Variants in ELOVL6 observed in about 807,000 individuals in gnomAD.
ELOVL6 encodes very long chain fatty acid elongase 6.
ELOVL6 carries 8 observed loss-of-function variants against 31.7 expected under a neutral mutation model. The ratio of observed to expected loss-of-function variants is 0.25; its 90% CI spans 0.15 to 0.45. The LOEUF (loss-of-function observed/expected upper bound fraction) is 0.45. Ranked by LOEUF, ELOVL6 falls within the 20% of genes least tolerant of loss-of-function variation. ELOVL6 has a pLI of 1.00. For synonymous variants in ELOVL6, 101 were observed against 117.7 expected, an observed-to-expected ratio of 0.86 and a Z score of 0.92; for missense variants, 126 against 326.4, an observed-to-expected ratio of 0.39 and a Z score of 4.73.
chr4:110,189,677 AGG>A (rs1759555518), intron 1 of ELOVL6, among the ~76,000 whole-genome samples: 1 of 148,086 alleles, frequency 6.8e-6, no homozygotes, highest in Admixed American at 6.8e-5. Flanking sequence ...CACTTTAAAT[AGG>A]ATTATAGGGC....
chr4:110,095,933 T>C (rs1756568490), intron 2 of ELOVL6, among the ~76,000 whole-genome samples: 1 of 152,190 alleles, frequency 6.6e-6, no homozygotes, highest in African/African-American at 2.4e-5. Flanking sequence ...GTGATAAACT[T>C]CAATGAATAA....
rs1405674345 is a variant in ELOVL6, at chr4:110,051,128, T to C, written c.*210A>G. 16 of 566,312 alleles carry C rather than the reference T, an allele frequency of 2.8e-5. No homozygotes were observed. The highest frequency in any genetic ancestry group is 4.8e-4 in the Middle Eastern group (1 of 2,100). The allele number at this position is 566,312 out of a possible 1,614,324, so 35.1% of individuals were successfully genotyped here. A position where few individuals can be genotyped will look rare whatever the true frequency, so the allele number is the denominator to read the frequency against. ...GTCTTCCAGCAGCAGTGCTTGGAGA[T>C]GGAGGTGCACTCAGTGAGTCCTCAC... is the stretch of plus-strand genomic sequence containing the variant. On this transcript the variant is annotated 3_prime_UTR_variant, in exon 4 of 4. Transcript: ENST00000302274. This position sits in a 1 kb window ranked among gnomAD's most constrained non-coding sequence, Gnocchi z 4.8.
intron 1 of ELOVL6, among the ~76,000 whole-genome samples, chr4:110,129,174 TTAA>T (rs1173696701): frequency 1.3e-5 from 2 of 152,222 alleles, no homozygotes; most frequent in African/African-American, 4.8e-5. Flanking sequence ...TTAAGAAAAA[TTAA>T]TAATTATTTT....
chr4:110,055,379 C>G (rs1434632841), intron 3 of ELOVL6, among the ~76,000 whole-genome samples: 1 of 152,152 alleles, frequency 6.6e-6, no homozygotes, highest in Non-Finnish European at 1.5e-5. Context: ...AGGACATTGG[C>G]CAAGTACAAG....
chr4:110,087,025 A>G (rs1211958621), intron 2 of ELOVL6, among the ~76,000 whole-genome samples: 1 of 152,038 alleles, frequency 6.6e-6, no homozygotes, highest in Non-Finnish European at 1.5e-5. Context: ...TTAGGTTTGG[A>G]AATTTAGGGA....
chr4:110,184,582 T>C (rs1211322194), intron 1 of ELOVL6, among the ~76,000 whole-genome samples: 1 of 152,060 alleles, frequency 6.6e-6, no homozygotes, highest in Non-Finnish European at 1.5e-5. Context: ...ATCAGATCAG[T>C]GACTCAGAAA....
At chr4:110,091,169 T>C (rs1007418955) in intron 2 of ELOVL6, among the ~76,000 whole-genome samples, 1 of 152,180 alleles carries the variant, frequency 6.6e-6, no homozygotes, top group Admixed American at 6.5e-5. Flanking sequence ...AGGATCCATG[T>C]CCTTAAGGAG....
At chr4:110,144,661 T>C (rs188290634) in intron 1 of ELOVL6, among the ~76,000 whole-genome samples, 1 of 152,210 alleles carries the variant, frequency 6.6e-6, no homozygotes, top group African/African-American at 2.4e-5. Context: ...TCATAAGCCA[T>C]AATGGATGCA....
At chr4:110,191,011 G>A (rs563085602) in intron 1 of ELOVL6, among the ~76,000 whole-genome samples, 1 of 151,682 alleles carries the variant, frequency 6.6e-6, no homozygotes, top group East Asian at 1.9e-4. Context: ...TAGAGACAGG[G>A]TTTCGCCACT....
chr4:110,158,657 A>ATATATATTTTTTTTT, intron 1 of ELOVL6, among the ~76,000 whole-genome samples: 7 of 74,162 alleles, frequency 9.4e-5, no homozygotes, highest in Non-Finnish European at 1.4e-4. Flanking sequence ...ATATATATAT[A>ATATATATTTTTTTTT]TTTTTTTTTT....
intron 1 of ELOVL6, among the ~76,000 whole-genome samples, chr4:110,174,196 C>T (rs1759034640): frequency 7.1e-6 from 1 of 139,888 alleles, no homozygotes; most frequent in African/African-American, 2.7e-5. Flanking sequence ...CAGAGTCTTA[C>T]TCTGTTGTTC....
rs1206784968 is a variant in ELOVL6 at position 110,047,814 on chromosome 4, T to G, written c.*3524A>C. ...CTGAGGCAGGAGAATTGCTGGAACC[T>G]GGGAGGCGGAGGTTGCAGTGAGTCT... On this transcript the variant is annotated 3_prime_UTR_variant, in exon 4 of 4. Transcript: ENST00000302274. 3.7e-5 allele frequency: 5 copies of G among 133,634 alleles called. No individual in the cohort carries two copies. Among genetic ancestry groups the G allele is most frequent in the Non-Finnish European group, 7.6e-5 (5 of 65,756 alleles). The allele number at this position is 133,634 out of a possible 1,614,324, so 8.3% of individuals were successfully genotyped here.
At chr4:110,113,593 A>G (rs1209540772) in intron 1 of ELOVL6, among the ~76,000 whole-genome samples, 2 of 152,176 alleles carry the variant, frequency 1.3e-5, no homozygotes, top group Non-Finnish European at 2.9e-5. Context: ...AGCCAAAAAC[A>G]AAACAAAAAG....
intron 1 of ELOVL6, among the ~76,000 whole-genome samples, chr4:110,196,195 C>A (rs182047376): frequency 1.3e-5 from 2 of 152,252 alleles, no homozygotes; most frequent in African/African-American, 4.8e-5. Flanking sequence ...ATGGGGTCAG[C>A]CAGCAAAGCG....
Position 110,119,638 on chromosome 4 carries a change from CT to C in ELOVL6, c.90-14011del, listed in dbSNP as rs533909178. Among the ~76,000 whole-genome samples the C allele has an allele frequency of 1.2e-3, 177 of 152,278 alleles. 1 individual carries two copies. The highest frequency in any genetic ancestry group is 1.9e-3 in the Non-Finnish European group (127 of 68,018). On this transcript the variant is annotated intron_variant, in intron 1 of 3. Transcript: ENST00000302274. ...GCTTAGAAGACTTTTATCTATATAT[CT>C]TTTTACATCATTTCCCACAGACTTT...
intron 2 of ELOVL6, among the ~76,000 whole-genome samples, chr4:110,084,026 C>CA (rs1560813591): frequency 0.014 from 97 of 6,752 alleles, 10 homozygotes; most frequent in East Asian, 0.044. Flanking sequence ...ATAACATATG[C>CA]CATATATGGT....
intron 1 of ELOVL6, among the ~76,000 whole-genome samples, chr4:110,119,996 T>G (rs1261565823): frequency 2.0e-5 from 3 of 152,208 alleles, no homozygotes; most frequent in Non-Finnish European, 4.4e-5. Context: ...ACAGCATCCT[T>G]TTCTTCAGAG....
chr4:110,179,598 C>A (rs1236498557), intron 1 of ELOVL6, among the ~76,000 whole-genome samples: 1 of 152,090 alleles, frequency 6.6e-6, no homozygotes, highest in Admixed American at 6.6e-5. Flanking sequence ...TGAAAAAATA[C>A]AATTTAAGCT....
At chr4:110,110,036 G>A (rs1756989069) in intron 1 of ELOVL6, among the ~76,000 whole-genome samples, 1 of 152,156 alleles carries the variant, frequency 6.6e-6, no homozygotes, top group African/African-American at 2.4e-5. Flanking sequence ...ATGTTCTAAG[G>A]TGAAGAGTCT....
Sources: gnomAD v4.1 joint callset for allele counts (sites outside exome capture counted in the v4.1 genomes callset) on GRCh38, gnomAD v4.1.1 for gene constraint, Gnocchi (gnomAD v3.1) non-coding constraint, MANE v1.5 for transcripts, NCBI Gene and HGNC (gene_info 2026-07-23, HGNC 2026-07-21) for gene names.